ZC3H12B: variants seen among roughly 807,000 people sequenced by gnomAD.
ZC3H12B encodes the protein probable ribonuclease ZC3H12B.
In ZC3H12B, 7 loss-of-function variants were observed where a neutral mutation model predicts 43.9. The observed-to-expected ratio is 0.16, with a 90% CI of 0.09 to 0.30. The LOEUF (loss-of-function observed/expected upper bound fraction) is 0.30. Ranked by LOEUF, ZC3H12B falls within the 10% of genes least tolerant of loss-of-function variation. The probability of loss-of-function intolerance (pLI) is 1.00; values close to 1 mark genes in which losing one functional copy is unlikely to be tolerated. For synonymous variants in ZC3H12B, 222 were observed against 241.7 expected, an observed-to-expected ratio of 0.92 and a Z score of 0.76; for missense variants, 475 against 670.2, an observed-to-expected ratio of 0.71 and a Z score of 3.22.
At chrX:65,388,868 C>G (rs1349167661) in intron 2 of ZC3H12B, among the ~76,000 whole-genome samples, 4 of 112,184 alleles carry the variant, frequency 3.6e-5, no homozygotes, top group African/African-American at 1.3e-4. Context: ...ACAGGACCCT[C>G]AGCTGCAGGT....
chrX:65,200,999 T>C, the ZC3H12B span, among the ~76,000 whole-genome samples: 1 of 111,521 alleles, frequency 9.0e-6, no homozygotes, highest in Non-Finnish European at 1.9e-5. Flanking sequence ...GACTTAAGTT[T>C]CTCTTTTTGT....
chrX:65,361,133 A>G, the ZC3H12B span, among the ~76,000 whole-genome samples: 4 of 111,820 alleles, frequency 3.6e-5, no homozygotes, highest in African/African-American at 1.3e-4. Context: ...CTTTCTTCAC[A>G]TGTGTTATCA....
the ZC3H12B span, among the ~76,000 whole-genome samples, chrX:65,291,885 A>T: frequency 2.7e-5 from 3 of 112,046 alleles, no homozygotes; most frequent in Non-Finnish European, 5.6e-5. Context: ...TTAATTTCAG[A>T]CTTAGCAGAT....
At chrX:65,257,153 C>A in the ZC3H12B span, among the ~76,000 whole-genome samples, 1 of 112,045 alleles carries the variant, frequency 8.9e-6, no homozygotes, top group Non-Finnish European at 1.9e-5. Flanking sequence ...CACATGCTCA[C>A]GTATGTTTAT....
At chrX:65,089,646 T>C in the ZC3H12B span, among the ~76,000 whole-genome samples, 1 of 112,713 alleles carries the variant, frequency 8.9e-6, no homozygotes, top group Non-Finnish European at 1.9e-5. Context: ...TTATAAACTT[T>C]TAATTTTCTT....
At chrX:65,353,714 C>T in the ZC3H12B span, among the ~76,000 whole-genome samples, 1 of 111,982 alleles carries the variant, frequency 8.9e-6, no homozygotes, top group Non-Finnish European at 1.9e-5. Context: ...GATCCACTGG[C>T]TTGAAATTCT....
At chrX:65,191,928 G>A in the ZC3H12B span, among the ~76,000 whole-genome samples, 53 of 103,630 alleles carry the variant, frequency 5.1e-4, no homozygotes, top group African/African-American at 1.8e-3. Flanking sequence ...GCTTTCTCTT[G>A]TGGGCATTTA....
intron 2 of ZC3H12B, among the ~76,000 whole-genome samples, chrX:65,395,468 G>T (rs1425789199): frequency 8.9e-6 from 1 of 112,428 alleles, no homozygotes; most frequent in African/African-American, 3.2e-5. Flanking sequence ...AGATAATTAT[G>T]TGGTTTTTGT....
the ZC3H12B span, among the ~76,000 whole-genome samples, chrX:65,222,937 A>G: frequency 9.0e-6 from 1 of 111,458 alleles, no homozygotes; most frequent in East Asian, 2.8e-4. Context: ...AAGCAAGACT[A>G]AGCAAAAAGA....
the ZC3H12B span, among the ~76,000 whole-genome samples, chrX:65,202,048 A>T: frequency 1.1e-5 from 1 of 92,723 alleles, no homozygotes; most frequent in Admixed American, 1.4e-4. Context: ...TTATAATATA[A>T]TATATATTAT....
exon 5 of ZC3H12B, chrX:65,503,930 G>C (rs972424076): frequency 8.9e-6 from 1 of 111,983 alleles, no homozygotes; most frequent in Non-Finnish European, 1.9e-5. Flanking sequence ...CAGAGTTTTC[G>C]TAGTCACATA....
chrX:65,325,327 G>C, the ZC3H12B span, among the ~76,000 whole-genome samples: 2 of 111,422 alleles, frequency 1.8e-5, no homozygotes, highest in African/African-American at 3.2e-5. Flanking sequence ...AACTGCAGAT[G>C]TCATGATCTT....
At chrX:65,207,813 G>A in the ZC3H12B span, among the ~76,000 whole-genome samples, 2 of 57,287 alleles carry the variant, frequency 3.5e-5, no homozygotes, top group Non-Finnish European at 6.3e-5. Context: ...CCATGAGCAT[G>A]GAATGTTCTT....
At chrX:65,500,815 G>A (rs1041934722) in intron 4 of ZC3H12B, among the ~76,000 whole-genome samples, 5 of 109,932 alleles carry the variant, frequency 4.5e-5, no homozygotes, top group East Asian at 2.8e-4. Flanking sequence ...CTGATACAAC[G>A]TTTGTGCGCC....
upstream of ZC3H12B, among the ~76,000 whole-genome samples, chrX:65,483,909 A>C (rs1217370870): frequency 9.0e-5 from 10 of 111,529 alleles, no homozygotes; most frequent in Non-Finnish European, 1.9e-5. Flanking sequence ...AGCTCCATTC[A>C]TATCCCTGCA....
At chrX:65,472,998 G>GTATATA (rs370502555) in intron 3 of ZC3H12B, among the ~76,000 whole-genome samples, 4 of 77,797 alleles carry the variant, frequency 5.1e-5, no homozygotes, top group Admixed American at 3.2e-4. Flanking sequence ...ATATATATAT[G>GTATATA]TATATATATA....
chrX:65,457,003 C>T (rs1362784685), intron 3 of ZC3H12B, among the ~76,000 whole-genome samples: 2 of 102,000 alleles, frequency 2.0e-5, no homozygotes, highest in Non-Finnish European at 4.0e-5. Flanking sequence ...CGAGGAGCGC[C>T]TCTTCCCCGC....
the ZC3H12B span, among the ~76,000 whole-genome samples, chrX:65,360,497 T>C: frequency 2.7e-5 from 3 of 112,221 alleles, no homozygotes; most frequent in Non-Finnish European, 5.6e-5. Context: ...AAAACCACAA[T>C]GAGATACTAC....
intron 3 of ZC3H12B, among the ~76,000 whole-genome samples, chrX:65,460,680 C>T (rs1277199222): frequency 2.7e-5 from 3 of 111,804 alleles, no homozygotes; most frequent in Non-Finnish European, 5.6e-5. Flanking sequence ...AACTGGATCC[C>T]TTCCTTACAC....
Sources: gnomAD v4.1 joint callset for allele counts (sites outside exome capture counted in the v4.1 genomes callset) on GRCh38, gnomAD v4.1.1 for gene constraint, MANE v1.5 for transcripts, NCBI Gene and HGNC (gene_info 2026-07-23, HGNC 2026-07-21) for gene names.